RGS7: variants seen among roughly 807,000 people sequenced by gnomAD.
RGS7 encodes the protein regulator of G protein signaling 7.
In RGS7, 27 loss-of-function variants were observed where a neutral mutation model predicts 81.1. The observed-to-expected ratio is 0.33, with a 90% CI of 0.25 to 0.46. The LOEUF (loss-of-function observed/expected upper bound fraction) is 0.46. Ranked by LOEUF, RGS7 falls within the 20% of genes least tolerant of loss-of-function variation. The pLI, the probability that RGS7 is intolerant of heterozygous loss-of-function variation, is 1.00. For missense variants in RGS7, 396 were observed against 607.4 expected, an observed-to-expected ratio of 0.65 and a Z score of 3.66; for synonymous variants, 208 against 207.7, an observed-to-expected ratio of 1.00 and a Z score of -0.01.
chr1:240,864,897 A>T (rs1487605610), intron 9 of RGS7, among the ~76,000 whole-genome samples: 1 of 152,072 alleles, frequency 6.6e-6, no homozygotes, highest in Non-Finnish European at 1.5e-5. Flanking sequence ...AGATTCATAG[A>T]TGTCATTAAA....
intron 6 of RGS7, among the ~76,000 whole-genome samples, chr1:240,874,911 G>A (rs1054748697): frequency 3.3e-5 from 5 of 152,012 alleles, no homozygotes; most frequent in South Asian, 2.1e-4. Flanking sequence ...GTGTTGTGGC[G>A]GGTGCCTGTA....
chr1:241,021,324 A>G (rs756119055), intron 3 of RGS7, among the ~76,000 whole-genome samples: 7 of 152,154 alleles, frequency 4.6e-5, no homozygotes, highest in Non-Finnish European at 8.8e-5. Context: ...CAAGGAGACA[A>G]TAATTTATCA....
chr1:241,041,777 G>A (rs1293832447), intron 3 of RGS7, among the ~76,000 whole-genome samples: 4 of 151,856 alleles, frequency 2.6e-5, no homozygotes, highest in Non-Finnish European at 5.9e-5. Context: ...TTAGCACCCA[G>A]GCTCAGGGTT....
intron 2 of RGS7, among the ~76,000 whole-genome samples, chr1:241,165,844 C>T (rs1221131279): frequency 6.6e-6 from 1 of 151,490 alleles, no homozygotes; most frequent in East Asian, 1.9e-4. Context: ...CAACCTGGTA[C>T]CAAACCTCAA....
intron 2 of RGS7, among the ~76,000 whole-genome samples, chr1:241,304,806 A>G (rs61832591): frequency 0.072 from 10,925 of 152,316 alleles, 493 homozygotes; most frequent in East Asian, 0.22. Context: ...ATTTGCACAT[A>G]TGTGATGTTT....
intron 2 of RGS7, among the ~76,000 whole-genome samples, chr1:241,178,491 C>T (rs2071344403): frequency 6.6e-6 from 1 of 152,062 alleles, no homozygotes; most frequent in African/African-American, 2.4e-5. Flanking sequence ...CCAGGGAGTT[C>T]ATTCAGCACC....
intron 1 of RGS7, among the ~76,000 whole-genome samples, chr1:241,356,632 C>G (rs571534757): frequency 1.3e-5 from 2 of 152,216 alleles, no homozygotes; most frequent in African/African-American, 4.8e-5. Context: ...GCCCCTGCTC[C>G]CCTTGCTCGC....
chr1:240,853,900 C>CA (rs35471716), intron 9 of RGS7, among the ~76,000 whole-genome samples: 6,053 of 22,244 alleles, frequency 0.27, 2,648 homozygotes, highest in Middle Eastern at 0.67. Flanking sequence ...GACTCCGTCT[C>CA]AAAAAAAAAA....
intron 3 of RGS7, among the ~76,000 whole-genome samples, chr1:240,993,212 AGAAAG>A: frequency 6.6e-6 from 1 of 150,964 alleles, no homozygotes; most frequent in Non-Finnish European, 1.5e-5. Flanking sequence ...AGGAGAGAAA[AGAAAG>A]GAAGGAAGGA....
At chr1:241,355,646 A>AT (rs2083515392) in intron 2 of RGS7, 53 bp downstream of exon 2, 3 of 1,537,580 alleles carry the variant, frequency 2.0e-6, no homozygotes, top group Non-Finnish European at 2.7e-6. Flanking sequence ...GGGGGAAAAA[A>AT]ATCGAGAAAG....
At chr1:240,881,433 G>A (rs1294236641) in intron 6 of RGS7, among the ~76,000 whole-genome samples, 2 of 152,040 alleles carry the variant, frequency 1.3e-5, no homozygotes, top group Non-Finnish European at 2.9e-5. Context: ...AAACCAACAT[G>A]GCACATGTAT....
chr1:241,237,414 G>A (rs909611723), intron 2 of RGS7, among the ~76,000 whole-genome samples: 71 of 152,190 alleles, frequency 4.7e-4, no homozygotes, highest in African/African-American at 1.7e-3. Context: ...TATACCATGA[G>A]CAGTGAGTTA....
intron 2 of RGS7, among the ~76,000 whole-genome samples, chr1:241,101,150 A>G (rs2102899418): frequency 6.6e-6 from 1 of 152,318 alleles, no homozygotes; most frequent in South Asian, 2.1e-4. Context: ...TGTGACCCCT[A>G]CGTGCCTGTC....
At chr1:241,313,519 A>G (rs115066581) in intron 2 of RGS7, among the ~76,000 whole-genome samples, 3,580 of 152,332 alleles carry the variant, frequency 0.024, 87 homozygotes, top group African/African-American at 0.07. Context: ...CAATGCTCAC[A>G]GTCACCCAAG....
At position 241,163,025 on chromosome 1, in the gene RGS7, T is replaced by G. The variant is rs991552713; in HGVS notation, c.79-64263A>C. On this transcript the variant is annotated intron_variant, in intron 2 of 18. Coordinates refer to ENST00000440928, the MANE Select transcript of RGS7 (RefSeq NM_001364886.1). This position sits in a 1 kb window ranked among gnomAD's most constrained non-coding sequence, Gnocchi z 4.6. ...TGTTGAAGATGGGAGTTAAATTGTT[T>G]TGGAATTTGCCACTACATAAACTAT... Among the ~76,000 whole-genome samples, 2 of 152,186 alleles carry G rather than the reference T, an allele frequency of 1.3e-5. No homozygotes were observed. Among genetic ancestry groups the G allele is most frequent in the African/African-American group, 2.4e-5 (1 of 41,446 alleles).
Position 240,911,651 on chromosome 1 carries a change from G to A in RGS7, c.385+19066C>T, listed in dbSNP as rs547771694. On this transcript the variant is annotated intron_variant, in intron 6 of 18. Transcript: ENST00000440928. ...CTGTAAGTCTTGTAAACACAACAAC[G>A]GTATGGAAATCCAACTGAAAAACAC... Among the ~76,000 whole-genome samples the A allele has an allele frequency of 2.6e-4, 40 of 152,200 alleles. 1 individual carries two copies. Among genetic ancestry groups the A allele is most frequent in the South Asian group, 1.7e-3 (8 of 4,820 alleles).
chr1:240,835,633 C>T (rs997730867), intron 9 of RGS7, among the ~76,000 whole-genome samples: 7 of 152,290 alleles, frequency 4.6e-5, no homozygotes, highest in African/African-American at 7.2e-5. Flanking sequence ...AACCTGTACA[C>T]GGATGTTTCT....
chr1:241,089,057 CTCTCTCTATATATATA>C (rs1490600452), intron 3 of RGS7, among the ~76,000 whole-genome samples: 48 of 48,594 alleles, frequency 9.9e-4, no homozygotes, highest in African/African-American at 1.7e-3. Flanking sequence ...CTCTCTCTCT[CTCTCTCTATATATATA>C]TATATATATA....
intron 2 of RGS7, among the ~76,000 whole-genome samples, chr1:241,287,437 T>G (rs961700037): frequency 6.6e-6 from 1 of 152,200 alleles, no homozygotes; most frequent in Admixed American, 6.5e-5. Flanking sequence ...AGCTCTCTCT[T>G]GCCTGCTGTC....
Sources: allele counts gnomAD v4.1 joint callset (sites outside exome capture counted in the v4.1 genomes callset), GRCh38; gene constraint gnomAD v4.1.1; non-coding constraint Gnocchi (gnomAD v3.1); transcripts MANE v1.5; gene names NCBI Gene and HGNC (gene_info 2026-07-23, HGNC 2026-07-21).